The following CLPX variants were observed in gnomAD, a reference collection of about 807,000 sequenced individuals.
CLPX encodes caseinolytic mitochondrial matrix peptidase chaperone subunit X.
A neutral mutation model predicts 76.4 loss-of-function variants in CLPX; 34 were observed. The observed-to-expected ratio is 0.45, with a 90% CI of 0.34 to 0.59. The LOEUF is 0.59. CLPX is among the 20% of genes least tolerant of loss of function. CLPX has a pLI of 0.01. For synonymous variants in CLPX, 248 were observed against 270.9 expected (o/e 0.92, Z 0.83); for missense variants, 613 against 757.0 (o/e 0.81, Z 2.23).
Position 65,185,048 on chromosome 15 carries a change from G to A in CLPX, c.79+27C>T, listed in dbSNP as rs1308473131. On this transcript the variant is annotated intron_variant, in intron 1 of 13. Coordinates refer to ENST00000300107, the MANE Select transcript of CLPX (RefSeq NM_006660.5). ...TCCACCCCCCCCCCGACAGGCTGAG[G>A]GCTCAGGAGTGGCACTATTTCGTTA... is the stretch of plus-strand genomic sequence containing the variant. 3.2e-6 allele frequency: 5 copies of A among 1,551,434 alleles called. No individual in the cohort carries two copies. The African/African-American group carries it at 5.5e-5, about 17-fold the overall frequency.
intron 1 of CLPX, 71 bp from the exon 2 acceptor site, chr15:65,180,275 T>C (rs2088148035): frequency 8.0e-7 from 1 of 1,250,900 alleles, no homozygotes; most frequent in South Asian, 1.5e-5. Flanking sequence ...AAAAATTCCT[T>C]GAGCATAAAG....
At chr15:65,163,101 C>A (rs2087872168) in intron 5 of CLPX, among the ~76,000 whole-genome samples, 1 of 152,066 alleles carries the variant, frequency 6.6e-6, no homozygotes, top group African/African-American at 2.4e-5. Flanking sequence ...CTTTGGGAGG[C>A]TGAGGCAGAT....
At chr15:65,157,014 A>G in intron 8 of CLPX, 82 bp from the exon 9 acceptor site, 1 of 803,530 alleles carries the variant, frequency 1.2e-6, no homozygotes, top group Non-Finnish European at 2.0e-6. Context: ...TTAGGTAGCT[A>G]GAGAACAAAG....
intron 1 of CLPX, among the ~76,000 whole-genome samples, chr15:65,181,112 T>C (rs565017906): frequency 6.6e-6 from 1 of 151,882 alleles, no homozygotes; most frequent in Non-Finnish European, 1.5e-5. Context: ...GGCAGGCGAA[T>C]TGCTTGAACC....
At position 65,177,260 on chromosome 15, in the gene CLPX, G is replaced by A. The variant is rs2088102854; in HGVS notation, c.358+1674C>T. ...ATTTTTGTATTTTTAGTAGAGATGGGGTTTCACCATATTGAGCAGGCTGGT... is the reference window on the plus strand; with the variant it reads ...ATTTTTGTATTTTTAGTAGAGATGGAGTTTCACCATATTGAGCAGGCTGGT... On this transcript the variant is annotated intron_variant, in intron 3 of 13. Transcript: ENST00000300107. Among the ~76,000 whole-genome samples the A allele has an allele frequency of 3.3e-5, 5 of 151,970 alleles. 1 individual carries two copies. The South Asian group carries it at 8.3e-4, about 25-fold the overall frequency.
Position 65,164,035 on chromosome 15 carries a change from G to C in CLPX, c.667C>G (p.Pro223Ala). 1 of 1,613,050 alleles carries C rather than the reference G, an allele frequency of 6.2e-7. No homozygotes were observed. The highest frequency in any genetic ancestry group is 8.5e-7 in the Non-Finnish European group (1 of 1,179,542). ...CAATTATCAAAAACGCTACCTCTTG[G>C]TGTTAATGATGTCTGCTTCTCAACC... ...AEVEKQTSLT[P>A]RELEIRRRED... The change falls in exon 5 of 14, where the codon CCA (proline) becomes GCA (alanine). Residue 223 changes from proline to alanine, a missense_variant. Around this residue, in one of 2 missense-constraint regions of CLPX, gnomAD observed 450 missense variants for 638.6 expected, o/e 0.70. Transcript: ENST00000300107.
At chr15:65,185,040 A>T in intron 1 of CLPX, 35 bp downstream of exon 1, 1 of 1,204,414 alleles carries the variant, frequency 8.3e-7, no homozygotes. Flanking sequence ...CCCCCCCGAC[A>T]GGCTGAGGGC....
chr15:65,160,104 C>G (rs964464806), intron 6 of CLPX, among the ~76,000 whole-genome samples: 4 of 152,168 alleles, frequency 2.6e-5, no homozygotes, highest in African/African-American at 9.7e-5. Flanking sequence ...TGAGACACCG[C>G]GCCTGGCCTA....
At chr15:65,180,924 G>T (rs1244467207) in intron 1 of CLPX, among the ~76,000 whole-genome samples, 6 of 147,948 alleles carry the variant, frequency 4.1e-5, no homozygotes, top group African/African-American at 1.5e-4. Context: ...AAAAAAATCT[G>T]TAACAATGGA....
chr15:65,166,585 T>C (rs1312754547), intron 4 of CLPX, 46 bp downstream of exon 4: 20 of 1,588,436 alleles, frequency 1.3e-5, no homozygotes, highest in East Asian at 2.2e-5. Context: ...AGCAATGGAA[T>C]GTTTTCAAGA....
chr15:65,178,448 A>T (rs1156798731), intron 3 of CLPX, among the ~76,000 whole-genome samples: 1 of 152,254 alleles, frequency 6.6e-6, no homozygotes, highest in African/African-American at 2.4e-5. Flanking sequence ...TATAGTGAAC[A>T]TAAGAGAGAA....
At chr15:65,176,269 G>C (rs966038028) in intron 3 of CLPX, among the ~76,000 whole-genome samples, 59 of 152,190 alleles carry the variant, frequency 3.9e-4, no homozygotes, top group African/African-American at 1.4e-3. Context: ...GTCACCTTCA[G>C]TGACTAATAC....
intron 3 of CLPX, among the ~76,000 whole-genome samples, chr15:65,173,095 C>T (rs993971040): frequency 1.3e-5 from 2 of 151,888 alleles, no homozygotes; most frequent in Non-Finnish European, 2.9e-5. Flanking sequence ...ACAGGCTGGG[C>T]GCAGTGGCTC....
At chr15:65,163,429 C>A (rs1444644038) in intron 5 of CLPX, among the ~76,000 whole-genome samples, 1 of 152,122 alleles carries the variant, frequency 6.6e-6, no homozygotes, top group Non-Finnish European at 1.5e-5. Context: ...AACTCCTTCA[C>A]ACTGTACAGT....
intron 4 of CLPX, among the ~76,000 whole-genome samples, chr15:65,165,680 G>A (rs1393976788): frequency 6.6e-6 from 1 of 151,864 alleles, no homozygotes; most frequent in South Asian, 2.1e-4. Flanking sequence ...CCAAACCACC[G>A]CACCCGGCCA....
At chr15:65,164,532 G>C (rs1271235546) in intron 4 of CLPX, among the ~76,000 whole-genome samples, 1 of 152,000 alleles carries the variant, frequency 6.6e-6, no homozygotes, top group African/African-American at 2.4e-5. Context: ...TGGTCTAAAA[G>C]TATCAACATT....
In CLPX at chr15:65,184,210, A is replaced by G. The variant is rs553488904; in HGVS notation, c.79+865T>C. 3.9e-5 allele frequency among the ~76,000 whole-genome samples: 6 copies of G among 152,388 alleles called. No individual in the cohort carries two copies. In the East Asian group the frequency reaches 1.2e-3, roughly 29 times the overall value. On this transcript the variant is annotated intron_variant, in intron 1 of 13. Coordinates refer to ENST00000300107, the MANE Select transcript of CLPX (RefSeq NM_006660.5). ...CGAATTTGTCTAGAAGTCAGTCATT[A>G]TAACAGGATCTAGCCTCGTGGTCTG...
intron 4 of CLPX, among the ~76,000 whole-genome samples, chr15:65,165,894 T>C (rs939304541): frequency 6.6e-6 from 1 of 152,202 alleles, no homozygotes; most frequent in Non-Finnish European, 1.5e-5. Context: ...TAGAGACAAA[T>C]GCACTGATAT....
intron 3 of CLPX, among the ~76,000 whole-genome samples, chr15:65,169,653 T>G (rs1386661857): frequency 2.0e-5 from 3 of 151,670 alleles, no homozygotes; most frequent in Admixed American, 1.3e-4. Flanking sequence ...GAGGCAGAGG[T>G]TGCAGTGAGC....
Sources: allele counts gnomAD v4.1 joint callset (sites outside exome capture counted in the v4.1 genomes callset), GRCh38; gene constraint gnomAD v4.1.1; regional missense constraint gnomAD v4.1.1; transcripts MANE v1.5; gene names NCBI Gene and HGNC (gene_info 2026-07-23, HGNC 2026-07-21).